Variants in RYR2 observed in about 807,000 individuals in gnomAD.
The protein encoded by RYR2 is ryanodine receptor 2.
Under a neutral mutation model 601.1 loss-of-function variants are expected in RYR2, and 227 were observed. The observed-to-expected ratio is 0.38, with a 90% confidence interval of 0.34 to 0.42. The LOEUF (loss-of-function observed/expected upper bound fraction) is 0.42, where lower values mean the gene tolerates loss of function less well. Among genes scored for constraint, RYR2 ranks in the 10% least tolerant of loss-of-function variants. RYR2 has a pLI of 1.00. For synonymous variants in RYR2, 2,223 were observed against 2,175.1 expected, an observed-to-expected ratio of 1.02 and a Z score of -0.61; for missense variants, 4,646 against 6,156.5, an observed-to-expected ratio of 0.75 and a Z score of 8.21.
intron 27 of RYR2, 87 bp from the exon 28 acceptor site, chr1:237,566,480 T>C: frequency 3.0e-6 from 4 of 1,322,170 alleles, no homozygotes; most frequent in Non-Finnish European, 4.2e-6. Flanking sequence ...AGTCGTGATT[T>C]ATCTTTCCTT....
At chr1:237,758,169 A>T (rs149387664) in intron 82 of RYR2, among the ~76,000 whole-genome samples, 126 of 152,322 alleles carry the variant, frequency 8.3e-4, no homozygotes, top group African/African-American at 2.8e-3. Flanking sequence ...TAAAACACTT[A>T]ATCTCTCCAA....
chr1:237,575,383 T>A (rs1220001531), intron 29 of RYR2, among the ~76,000 whole-genome samples: 4 of 152,270 alleles, frequency 2.6e-5, no homozygotes, highest in African/African-American at 9.6e-5. Flanking sequence ...CACATCATGT[T>A]TTGGGACCAA....
chr1:237,267,117 C>T (rs1208505556), intron 1 of RYR2, among the ~76,000 whole-genome samples: 3 of 152,174 alleles, frequency 2.0e-5, no homozygotes, highest in Non-Finnish European at 2.9e-5. Flanking sequence ...CATCTCCACA[C>T]GAGCTCTAAT....
At chr1:237,565,800 G>A (rs1365205754) in intron 27 of RYR2, among the ~76,000 whole-genome samples, 3 of 152,062 alleles carry the variant, frequency 2.0e-5, no homozygotes, top group African/African-American at 4.8e-5. Context: ...TCTCATCGTC[G>A]TTCTGGCTCT....
rs569874842 is a variant in RYR2, at chr1:237,679,865, C to T, written c.8896-591C>T. The stretch of plus-strand genomic sequence containing the variant: ...CGCCAGACAGAGGGAATGGCGTGTA[C>T]GAGGCCAGGTGATGTGAGTGGACAG... On this transcript the variant is annotated intron_variant, in intron 61 of 104. Coordinates refer to ENST00000366574, the MANE Select transcript of RYR2 (RefSeq NM_001035.3). 1.2e-4 allele frequency among the ~76,000 whole-genome samples: 19 copies of T among 152,044 alleles called. 1 individual carries two copies. The South Asian group carries it at 1.9e-3, about 15-fold the overall frequency.
chr1:237,736,225 C>T (rs909629882), intron 79 of RYR2, among the ~76,000 whole-genome samples: 19 of 151,958 alleles, frequency 1.3e-4, no homozygotes, highest in African/African-American at 4.6e-4. Context: ...CTTTGGGAGG[C>T]CGAGGCGGAT....
chr1:237,060,570 G>C (rs1314853558), intron 1 of RYR2, among the ~76,000 whole-genome samples: 1 of 152,146 alleles, frequency 6.6e-6, no homozygotes, highest in Non-Finnish European at 1.5e-5. Context: ...CCCCTCCCAA[G>C]AGTTACCTGC....
At chr1:237,316,040 A>T (rs61134816) in intron 2 of RYR2, among the ~76,000 whole-genome samples, 15,670 of 152,114 alleles carry the variant, frequency 0.1, 1,681 homozygotes, top group African/African-American at 0.26. Context: ...CAGGGGGATC[A>T]GGTTAGAGAG....
At chr1:237,109,899 G>C (rs1265614986) in intron 1 of RYR2, among the ~76,000 whole-genome samples, 1 of 151,948 alleles carries the variant, frequency 6.6e-6, no homozygotes. Flanking sequence ...ACCTGGCTTT[G>C]TGCACCGAGA....
At chr1:237,278,985 AAC>A in intron 2 of RYR2, among the ~76,000 whole-genome samples, 1 of 152,196 alleles carries the variant, frequency 6.6e-6, no homozygotes, top group East Asian at 1.9e-4. Context: ...TAGATCAAGA[AAC>A]AATTCATAAT....
rs767406030 is a variant in RYR2, at chr1:237,623,825, C to T, written c.5977C>T (p.Arg1993Cys). The change falls in exon 39 of 105, where the codon CGT becomes TGT. Residue 1993 changes from arginine (R) to cysteine (C), a missense_variant. Physicochemically the swap from Arg to Cys is radical, Grantham distance 180. This residue lies in a region of RYR2 where 170 missense variants were observed against 184.5 expected (regional missense o/e 0.92). Coordinates refer to ENST00000366574, the MANE Select transcript of RYR2 (RefSeq NM_001035.3). ...TGAATGTCCATGTCCAGAAGAAATT[C>T]GTGACCAACTATTGGATTTCCATGA... ...KSECPCPEEI[R>C]DQLLDFHEDL... The T allele has an allele frequency of 1.1e-5, 17 of 1,613,108 alleles. No homozygotes were observed. The highest frequency in any genetic ancestry group is 6.7e-5 in the East Asian group (3 of 44,862).
chr1:237,329,010 G>C (rs1464847622), intron 2 of RYR2, among the ~76,000 whole-genome samples: 1 of 152,078 alleles, frequency 6.6e-6, no homozygotes, highest in African/African-American at 2.4e-5. Context: ...ACTGGATCCT[G>C]CTTGTCTAAG....
chr1:237,569,738 T>C (rs1672465693), intron 29 of RYR2, among the ~76,000 whole-genome samples: 1 of 152,150 alleles, frequency 6.6e-6, no homozygotes, highest in African/African-American at 2.4e-5. Flanking sequence ...CAAAGATGAA[T>C]GAAACACTGT....
chr1:237,364,214 C>A, intron 4 of RYR2, 144 bp from the exon 5 acceptor site: 1 of 625,610 alleles, frequency 1.6e-6, no homozygotes, highest in South Asian at 3.1e-5. Context: ...GTTGCGATAA[C>A]ATGGTGAATG....
At chr1:237,171,580 T>G (rs1677400377) in intron 1 of RYR2, among the ~76,000 whole-genome samples, 1 of 152,226 alleles carries the variant, frequency 6.6e-6, no homozygotes, top group Non-Finnish European at 1.5e-5. Context: ...ACCGTTCTGT[T>G]GAAATTTTGG....
intron 101 of RYR2, among the ~76,000 whole-genome samples, chr1:237,827,809 T>A (rs371442448): frequency 3.3e-5 from 5 of 151,316 alleles, no homozygotes; most frequent in East Asian, 2.0e-4. Flanking sequence ...TGGCAGTGTG[T>A]GCCTGTAGTC....
At position 237,456,575 on chromosome 1, in the gene RYR2, A is replaced by ATTT. The variant is rs397516518; in HGVS notation, c.1477-13_1477-11dup. 7.3e-5 allele frequency: 100 copies of ATTT among 1,365,896 alleles called. No individual in the cohort carries two copies. The highest frequency in any genetic ancestry group is 7.0e-4 in the East Asian group (26 of 37,320). 84.6% of individuals were successfully genotyped at this position (1,365,896 alleles called of 1,614,324 possible). A position where few individuals can be genotyped will look rare whatever the true frequency, so the allele number is the denominator to read the frequency against. On this transcript the variant is annotated intron_variant, in intron 15 of 104. Coordinates refer to ENST00000366574, the MANE Select transcript of RYR2 (RefSeq NM_001035.3). ...TGACAGTTTTGGATGTCTGATTGTGATTTTTTTTTTTTTTAACGTTCCAGG... is the reference window on the plus strand; with the variant it reads ...TGACAGTTTTGGATGTCTGATTGTGATTTTTTTTTTTTTTTTTAACGTTCCAGG...
chr1:237,724,762 C>CG lies in RYR2; in HGVS notation c.10689+1500_10689+1501insG, dbSNP rs1690062362. On this transcript the variant is annotated intron_variant, in intron 74 of 104. Coordinates refer to ENST00000366574, the MANE Select transcript of RYR2 (RefSeq NM_001035.3). ...TTATTAAAGGTTAATTAAATGGCTA[C>CG]ATTTCTGACAGCATTGCTCTACCAT... Among the ~76,000 whole-genome samples the CG allele has an allele frequency of 3.7e-3, 4 of 1,072 alleles. No individual in the cohort carries two copies. The Non-Finnish European group carries it at 0.054, about 14-fold the overall frequency. 0.7% of individuals were successfully genotyped at this position (1,072 alleles called of 152,430 possible). A position where few individuals can be genotyped will look rare whatever the true frequency, so the allele number is the denominator to read the frequency against.
chr1:237,306,698 A>C (rs981383479), intron 2 of RYR2, among the ~76,000 whole-genome samples: 46 of 152,216 alleles, frequency 3.0e-4, no homozygotes, highest in African/African-American at 1.1e-3. Context: ...AAAAAACCAC[A>C]GAAGTAGATT....
Sources: gnomAD v4.1 joint callset for allele counts (sites outside exome capture counted in the v4.1 genomes callset) on GRCh38, gnomAD v4.1.1 for gene constraint, gnomAD v4.1.1 regional missense constraint, MANE v1.5 for transcripts, NCBI Gene and HGNC (gene_info 2026-07-23, HGNC 2026-07-21) for gene names.